CAST: variants seen among roughly 807,000 people sequenced by gnomAD.
CAST encodes calpastatin.
Under a neutral mutation model 119.6 loss-of-function variants are expected in CAST, and 76 were observed. The observed-to-expected ratio is 0.64, with a 90% confidence interval of 0.53 to 0.77. CAST has a LOEUF of 0.77. CAST is among the 30% of genes least tolerant of loss of function. The probability of loss-of-function intolerance (pLI) is 0.00; values close to 1 mark genes in which losing one functional copy is unlikely to be tolerated. For missense variants in CAST, 953 were observed against 946.5 expected (o/e 1.01, Z -0.09); for synonymous variants, 319 against 331.6 (o/e 0.96, Z 0.41).
the CAST span, chr5:96,394,835 G>C: frequency 2.0e-5 from 32 of 1,610,450 alleles, no homozygotes; most frequent in Middle Eastern, 3.3e-4. Context: ...GTTCAAAAGA[G>C]AGCATGCCAA....
At chr5:95,989,638 T>C in the CAST span, among the ~76,000 whole-genome samples, 18 of 152,328 alleles carry the variant, frequency 1.2e-4, no homozygotes, top group African/African-American at 4.1e-4. Context: ...TATATTCCCA[T>C]TGGATTATCT....
chr5:96,172,887 C>T, the CAST span, among the ~76,000 whole-genome samples: 337 of 152,320 alleles, frequency 2.2e-3, 3 homozygotes, highest in African/African-American at 7.8e-3. Context: ...GACACAGATA[C>T]CATAACTTCC....
intron 1 of CAST, among the ~76,000 whole-genome samples, chr5:96,537,333 C>G (rs1392872741): frequency 6.6e-6 from 1 of 152,194 alleles, no homozygotes; most frequent in Admixed American, 6.5e-5. Context: ...ATTAAAATGT[C>G]TGAACACATT....
At chr5:96,394,691 A>G in the CAST span, among the ~76,000 whole-genome samples, 1 of 152,214 alleles carries the variant, frequency 6.6e-6, no homozygotes, top group Non-Finnish European at 1.5e-5. Context: ...TAAAATATTG[A>G]ATGAAAAAAA....
chr5:96,500,582 C>T, the CAST span, among the ~76,000 whole-genome samples: 26 of 152,276 alleles, frequency 1.7e-4, 1 homozygote, highest in Admixed American at 9.2e-4. Flanking sequence ...CTTATGGTCA[C>T]AGAGGTTGGT....
At chr5:96,722,377 G>C (rs1212520691) in intron 3 of CAST, among the ~76,000 whole-genome samples, 1 of 152,166 alleles carries the variant, frequency 6.6e-6, no homozygotes, top group East Asian at 1.9e-4. Context: ...AAGAAAAATT[G>C]AGGTTGGGAA....
chr5:96,180,859 T>A, the CAST span, among the ~76,000 whole-genome samples: 4 of 152,192 alleles, frequency 2.6e-5, no homozygotes, highest in Non-Finnish European at 5.9e-5. Flanking sequence ...GCAAATACAC[T>A]TCCCTGATCT....
the CAST span, among the ~76,000 whole-genome samples, chr5:96,207,447 T>C: frequency 3.9e-5 from 6 of 152,096 alleles, no homozygotes; most frequent in East Asian, 5.8e-4. Flanking sequence ...TTGTCATAGA[T>C]AGCCCTTATT....
chr5:96,156,275 A>G, the CAST span, among the ~76,000 whole-genome samples: 1 of 152,180 alleles, frequency 6.6e-6, no homozygotes, highest in South Asian at 2.1e-4. Flanking sequence ...CTATACCATT[A>G]TGGGCTTAGG....
the CAST span, among the ~76,000 whole-genome samples, chr5:96,053,524 A>C: frequency 6.6e-6 from 1 of 152,220 alleles, no homozygotes. Context: ...AGACTGCATT[A>C]CTAAATTCAG....
At chr5:96,121,974 TC>T in the CAST span, among the ~76,000 whole-genome samples, 1 of 152,174 alleles carries the variant, frequency 6.6e-6, no homozygotes, top group South Asian at 2.1e-4. Flanking sequence ...TATCTTTTCT[TC>T]CTTCTGCAAT....
the CAST span, among the ~76,000 whole-genome samples, chr5:96,475,421 ATC>A: frequency 6.6e-6 from 1 of 152,214 alleles, no homozygotes; most frequent in Non-Finnish European, 1.5e-5. Flanking sequence ...AATAATGACA[ATC>A]TCTGAATGTT....
At chr5:96,757,887 C>A (rs1171206183) in intron 24 of CAST, among the ~76,000 whole-genome samples, 3 of 151,990 alleles carry the variant, frequency 2.0e-5, no homozygotes, top group Non-Finnish European at 4.4e-5. Flanking sequence ...GACGGGCTTT[C>A]ACCATGCTGG....
the CAST span, among the ~76,000 whole-genome samples, chr5:96,485,751 G>A: frequency 6.6e-6 from 1 of 152,226 alleles, no homozygotes; most frequent in Non-Finnish European, 1.5e-5. Flanking sequence ...AAGGGAGAGA[G>A]CTCAGAGAAT....
At chr5:96,709,799 C>A (rs1755732867) in intron 3 of CAST, among the ~76,000 whole-genome samples, 1 of 152,098 alleles carries the variant, frequency 6.6e-6, no homozygotes, top group Admixed American at 6.5e-5. Context: ...ATTACTTGAC[C>A]ATTTGAAAAT....
chr5:96,619,055 T>TAAACG (rs1747533848), intron 1 of CAST, among the ~76,000 whole-genome samples: 1 of 152,124 alleles, frequency 6.6e-6, no homozygotes. Context: ...TAAAGGTTTG[T>TAAACG]AAACGCATCA....
At chr5:96,206,170 A>G in the CAST span, among the ~76,000 whole-genome samples, 3 of 151,280 alleles carry the variant, frequency 2.0e-5, no homozygotes, top group Non-Finnish European at 4.4e-5. Context: ...ATTTGTTTTT[A>G]GATTGTTAAG....
At chr5:96,289,056 G>A in the CAST span, among the ~76,000 whole-genome samples, 1 of 151,268 alleles carries the variant, frequency 6.6e-6, no homozygotes, top group Non-Finnish European at 1.5e-5. Context: ...TCCATTTTCT[G>A]CTGCTGCTTT....
chr5:96,441,383 T>C, the CAST span, among the ~76,000 whole-genome samples: 1 of 152,178 alleles, frequency 6.6e-6, no homozygotes, highest in African/African-American at 2.4e-5. Flanking sequence ...ACTTTTCCCA[T>C]AAGCCCGTTG....
Sources: gnomAD v4.1 joint callset for allele counts (sites outside exome capture counted in the v4.1 genomes callset) on GRCh38, gnomAD v4.1.1 for gene constraint, MANE v1.5 for transcripts, NCBI Gene and HGNC (gene_info 2026-07-23, HGNC 2026-07-21) for gene names.